ITPR1: variants seen among roughly 807,000 people sequenced by gnomAD.
The protein encoded by ITPR1 is inositol 1,4,5-trisphosphate-gated calcium channel ITPR1.
ITPR1 carries 96 observed loss-of-function variants against 318.4 expected under a neutral mutation model. The ratio of observed to expected loss-of-function variants is 0.30; its 90% CI spans 0.26 to 0.36. ITPR1 has a LOEUF of 0.36. Among genes scored for constraint, ITPR1 ranks in the 10% least tolerant of loss-of-function variants. The pLI is 1.00. For synonymous variants in ITPR1, 1,312 were observed against 1,289.9 expected (o/e 1.02, Z -0.37); for missense variants, 2,440 against 3,460.2 (o/e 0.71, Z 7.40).
chr3:4,693,792 C>G, intron 33 of ITPR1, 51 bp downstream of exon 33: 2 of 1,552,072 alleles, frequency 1.3e-6, no homozygotes, highest in Non-Finnish European at 1.8e-6. Flanking sequence ...GTGGTGTGTG[C>G]TGTCGTGGCT....
At chr3:4,836,652 A>G in intron 60 of ITPR1, 122 bp from the exon 61 acceptor site, 1 of 985,528 alleles carries the variant, frequency 1.0e-6, no homozygotes, top group Non-Finnish European at 1.3e-6. Context: ...GTTCTGCCAT[A>G]GAAGGAGATA....
Position 4,566,604 on chromosome 3 carries a change from GCACA to G in ITPR1, c.163+45546_163+45549del, listed in dbSNP as rs57756103. Among the ~76,000 whole-genome samples, 1,102 of 140,974 alleles carry G rather than the reference GCACA, an allele frequency of 7.8e-3. 5 individuals are homozygous for G. The highest frequency in any genetic ancestry group is 0.011 in the African/African-American group (404 of 37,102). 92.5% of individuals were successfully genotyped at this position (140,974 alleles called of 152,430 possible). ...CCAGGAAGCCTGAATGGGGACACAT[GCACA>G]CACACACACACACACACACACACAC... On this transcript the variant is annotated intron_variant, in intron 4 of 61. Coordinates refer to ENST00000649015, the MANE Select transcript of ITPR1 (RefSeq NM_001378452.1).
At chr3:4,795,789 C>A (rs987893024) in intron 53 of ITPR1, among the ~76,000 whole-genome samples, 3 of 152,198 alleles carry the variant, frequency 2.0e-5, no homozygotes, top group Non-Finnish European at 4.4e-5. Context: ...CAGCCTACCT[C>A]CTTCCAGGCT....
chr3:4,540,120 TTTTTCTTTTGCCTTACCCTCAGTTTTTTC>T lies in ITPR1; in HGVS notation c.163+19030_163+19058del, dbSNP rs552215272. On this transcript the variant is annotated intron_variant, in intron 4 of 61. Transcript: ENST00000649015. The stretch of plus-strand genomic sequence containing the variant: ...TAGTTTTTAAGTTTTTTAAAAAGGT[TTTTTCTTTTGCCTTACCCTCAGTTTTTTC>T]TTTATGTATAATGAGGTTATATTAG... Among the ~76,000 whole-genome samples, 227 of 152,250 alleles carry T rather than the reference TTTTTCTTTTGCCTTACCCTCAGTTTTTTC, an allele frequency of 1.5e-3. 1 individual carries two copies. The highest frequency in any genetic ancestry group is 5.3e-3 in the African/African-American group (220 of 41,568).
At chr3:4,843,889 G>C (rs1005874875) in intron 61 of ITPR1, among the ~76,000 whole-genome samples, 2 of 152,190 alleles carry the variant, frequency 1.3e-5, no homozygotes, top group Non-Finnish European at 2.9e-5. Context: ...TCAAGTTGAA[G>C]AGAAAGACTA....
At chr3:4,574,587 A>C (rs971555217) in intron 4 of ITPR1, among the ~76,000 whole-genome samples, 5 of 152,258 alleles carry the variant, frequency 3.3e-5, no homozygotes, top group Admixed American at 2.0e-4. Context: ...TGGGATTAGA[A>C]TCATGTATAA....
At chr3:4,621,025 T>C (rs141447023) in intron 4 of ITPR1, among the ~76,000 whole-genome samples, 2 of 152,064 alleles carry the variant, frequency 1.3e-5, no homozygotes. Flanking sequence ...CTTGGATGTT[T>C]CGTATGCATC....
chr3:4,641,970 TG>T, intron 6 of ITPR1, 122 bp from the exon 7 acceptor site: 1 of 701,976 alleles, frequency 1.4e-6, no homozygotes, highest in Non-Finnish European at 2.2e-6. Context: ...TGTGATTCTC[TG>T]GCTTCACCAG....
chr3:4,844,701 C>T (rs892915853), intron 61 of ITPR1, among the ~76,000 whole-genome samples: 1 of 152,172 alleles, frequency 6.6e-6, no homozygotes, highest in South Asian at 2.1e-4. Flanking sequence ...ATGTCACTCA[C>T]CTAAGGAAAC....
intron 4 of ITPR1, among the ~76,000 whole-genome samples, chr3:4,589,639 T>A (rs140725255): frequency 1.3e-5 from 2 of 151,892 alleles, no homozygotes. Context: ...GGAGCTGGAG[T>A]GGTCCTTATA....
intron 11 of ITPR1, among the ~76,000 whole-genome samples, chr3:4,652,744 G>T (rs2093623899): frequency 6.6e-6 from 1 of 152,194 alleles, no homozygotes. Flanking sequence ...AAGGGGCCAG[G>T]CACAGTGGCT....
rs1387415338 is a variant in ITPR1 at position 4,779,915 on chromosome 3, C to T, written c.6387+270C>T. On this transcript the variant is annotated intron_variant, in intron 49 of 61. Coordinates refer to ENST00000649015, the MANE Select transcript of ITPR1 (RefSeq NM_001378452.1). This position sits in a 1 kb window ranked among gnomAD's most constrained non-coding sequence, Gnocchi z 4.0. ...ATGGCAAAAACCGCGATTACTTTTG[C>T]ACCAACCTATATGACATTGAATACG... is the stretch of plus-strand genomic sequence containing the variant. 1.3e-5 allele frequency among the ~76,000 whole-genome samples: 2 copies of T among 151,146 alleles called. No homozygotes were observed. The highest frequency in any genetic ancestry group is 3.0e-5 in the Non-Finnish European group (2 of 67,766).
intron 2 of ITPR1, among the ~76,000 whole-genome samples, chr3:4,509,864 CA>C (rs2081669981): frequency 6.6e-6 from 1 of 152,144 alleles, no homozygotes. Flanking sequence ...ACATTGAACC[CA>C]TATTTGACTG....
chr3:4,563,239 G>C (rs943174121), intron 4 of ITPR1, among the ~76,000 whole-genome samples: 2 of 152,172 alleles, frequency 1.3e-5, no homozygotes, highest in Non-Finnish European at 2.9e-5. Context: ...TGTTGGCTGG[G>C]TGTCACACCT....
chr3:4,789,430 A>C (rs1192512802), intron 52 of ITPR1, among the ~76,000 whole-genome samples: 1 of 152,216 alleles, frequency 6.6e-6, no homozygotes, highest in Non-Finnish European at 1.5e-5. Context: ...ATGCTTGGGC[A>C]ATAAGAGGGA....
At chr3:4,626,969 C>T (rs907760884) in intron 4 of ITPR1, among the ~76,000 whole-genome samples, 6 of 152,094 alleles carry the variant, frequency 3.9e-5, no homozygotes, top group African/African-American at 1.4e-4. Context: ...CAGGCGCGTA[C>T]CACTATACCT....
At chr3:4,691,084 T>C in intron 31 of ITPR1, 60 bp from the exon 32 acceptor site, 1 of 1,170,722 alleles carries the variant, frequency 8.5e-7, no homozygotes, top group Non-Finnish European at 1.2e-6. Context: ...TCTCACTTTT[T>C]AATCTGTTCT....
chr3:4,604,039 A>G (rs975527454), intron 4 of ITPR1, among the ~76,000 whole-genome samples: 1 of 152,094 alleles, frequency 6.6e-6, no homozygotes, highest in Non-Finnish European at 1.5e-5. Flanking sequence ...TGTGAGATGG[A>G]GATGGTATCT....
At chr3:4,510,248 G>T (rs749600429) in intron 2 of ITPR1, among the ~76,000 whole-genome samples, 7 of 152,190 alleles carry the variant, frequency 4.6e-5, no homozygotes, top group Non-Finnish European at 1.0e-4. Flanking sequence ...ATTATGGCTG[G>T]AGTATGGAGA....
Sources: gnomAD v4.1 joint callset for allele counts (sites outside exome capture counted in the v4.1 genomes callset) on GRCh38, gnomAD v4.1.1 for gene constraint, Gnocchi (gnomAD v3.1) non-coding constraint, MANE v1.5 for transcripts, NCBI Gene and HGNC (gene_info 2026-07-23, HGNC 2026-07-21) for gene names.